The following RERE variants were observed in gnomAD, a reference collection of about 807,000 sequenced individuals.
RERE encodes the protein arginine-glutamic acid dipeptide repeats protein.
A neutral mutation model predicts 146.1 loss-of-function variants in RERE; 40 were observed. That is an observed-to-expected ratio of 0.27 (90% CI 0.21 to 0.36). RERE has a LOEUF of 0.36. RERE is among the 10% of genes least tolerant of loss of function. The pLI, the probability that RERE is intolerant of heterozygous loss-of-function variation, is 1.00. For synonymous variants in RERE, 1,003 were observed against 866.0 expected, an observed-to-expected ratio of 1.16 and a Z score of -2.78; for missense variants, 1,933 against 2,138.7, an observed-to-expected ratio of 0.90 and a Z score of 1.90.
chr1:8,372,076 C>T (rs894875), intron 12 of RERE, among the ~76,000 whole-genome samples: 111,467 of 152,136 alleles, frequency 0.73, 41,363 homozygotes, highest in East Asian at 0.92. Context: ...TGTGATAAGC[C>T]ACATGTCTTC....
chr1:8,732,574 C>A (rs966354467), intron 1 of RERE, among the ~76,000 whole-genome samples: 1 of 151,898 alleles, frequency 6.6e-6, no homozygotes, highest in African/African-American at 2.4e-5. Context: ...GATACTGTAA[C>A]TGTGGATAAG....
At chr1:8,405,265 A>G (rs939591089) in intron 12 of RERE, among the ~76,000 whole-genome samples, 1 of 152,324 alleles carries the variant, frequency 6.6e-6, no homozygotes, top group Admixed American at 6.5e-5. Context: ...ATTTCTAGGA[A>G]TGAATCTTAA....
intron 8 of RERE, among the ~76,000 whole-genome samples, chr1:8,505,682 C>A (rs1645240756): frequency 6.6e-6 from 1 of 152,158 alleles, no homozygotes; most frequent in African/African-American, 2.4e-5. Flanking sequence ...AGACATGCAT[C>A]ACCATGCCTA....
intron 13 of RERE, 36 bp downstream of exon 13, chr1:8,365,776 C>T (rs754686231): frequency 6.2e-7 from 1 of 1,608,776 alleles, no homozygotes; most frequent in African/African-American, 1.3e-5. Context: ...GAACAGTCTC[C>T]CCTCCGCCCA....
chr1:8,552,499 T>A (rs559739363), intron 6 of RERE, among the ~76,000 whole-genome samples: 8 of 152,310 alleles, frequency 5.3e-5, no homozygotes, highest in Middle Eastern at 3.4e-3. Flanking sequence ...TTTATTTGTA[T>A]CTCTCTCAAA....
At chr1:8,583,668 C>CA (rs1175652682) in intron 4 of RERE, among the ~76,000 whole-genome samples, 3 of 150,520 alleles carry the variant, frequency 2.0e-5, no homozygotes, top group East Asian at 1.9e-4. Context: ...ATAAATTCTG[C>CA]AAAAAATACA....
chr1:8,389,690 G>C (rs576910790), intron 12 of RERE, among the ~76,000 whole-genome samples: 1 of 152,324 alleles, frequency 6.6e-6, no homozygotes, highest in East Asian at 1.9e-4. Flanking sequence ...AAGTCGGGGA[G>C]CCACCACGGA....
Position 8,557,517 on chromosome 1 carries a change from T to C in RERE, c.529A>G (p.Arg177Gly). The C allele has an allele frequency of 6.2e-7, 1 of 1,607,170 alleles. No homozygotes were observed. The highest frequency in any genetic ancestry group is 8.5e-7 in the Non-Finnish European group (1 of 1,173,680). Residue 177 changes from arginine to glycine, a missense_variant, in exon 5 of 23, where the codon AGG becomes GGG. This residue lies in a region of RERE where 74 missense variants were observed against 99.6 expected (regional missense o/e 0.74). Coordinates refer to ENST00000400908, the MANE Select transcript of RERE (RefSeq NM_001042681.2). Reference protein sequence around the residue: ...EAGRGPVGSKRDHLLMNVKWY... With the variant: ...EAGRGPVGSKGDHLLMNVKWY... Reference sequence around the variant, plus strand: ...TTGACGTTCATGAGGAGATGGTCCCTCTTACTCTGAAAAGGAAAATCTAAC... The same window carrying C: ...TTGACGTTCATGAGGAGATGGTCCCCCTTACTCTGAAAAGGAAAATCTAAC...
At chr1:8,471,517 CT>C (rs35144697) in intron 10 of RERE, among the ~76,000 whole-genome samples, 206 of 132,294 alleles carry the variant, frequency 1.6e-3, no homozygotes, top group Middle Eastern at 4.0e-3. Context: ...CCCGGGGTTG[CT>C]TTTTTTTTTT....
intron 1 of RERE, among the ~76,000 whole-genome samples, chr1:8,731,328 G>A (rs535842352): frequency 6.6e-6 from 1 of 152,218 alleles, no homozygotes; most frequent in Admixed American, 6.5e-5. Flanking sequence ...TAACCATTTT[G>A]CAATTGCTCA....
At chr1:8,553,218 A>C (rs1645959563) in intron 6 of RERE, among the ~76,000 whole-genome samples, 1 of 150,304 alleles carries the variant, frequency 6.7e-6, no homozygotes, top group Non-Finnish European at 1.5e-5. Context: ...GCAAAATTGC[A>C]CCATTAGGCC....
intron 3 of RERE, among the ~76,000 whole-genome samples, chr1:8,623,405 T>C (rs894716362): frequency 2.6e-5 from 4 of 152,178 alleles, no homozygotes; most frequent in Admixed American, 6.5e-5. Context: ...GAGCCAAGAC[T>C]GCACCACTGC....
intron 12 of RERE, among the ~76,000 whole-genome samples, chr1:8,375,821 C>T (rs991711585): frequency 6.6e-6 from 1 of 151,158 alleles, no homozygotes; most frequent in Admixed American, 6.5e-5. Context: ...ACTGAAAATG[C>T]ATCCTCACTC....
At chr1:8,617,150 C>T (rs1055841999) in intron 3 of RERE, among the ~76,000 whole-genome samples, 3 of 151,948 alleles carry the variant, frequency 2.0e-5, no homozygotes, top group African/African-American at 7.3e-5. Context: ...CAAGACCAGC[C>T]TGGCCAATGT....
chr1:8,729,035 C>T (rs1255225392), intron 1 of RERE, among the ~76,000 whole-genome samples: 2 of 151,866 alleles, frequency 1.3e-5, no homozygotes, highest in East Asian at 4.0e-4. Flanking sequence ...CATGGTGGCG[C>T]AAGCCTGTAA....
chr1:8,706,324 G>A (rs1639561580), intron 1 of RERE, among the ~76,000 whole-genome samples: 2 of 151,970 alleles, frequency 1.3e-5, no homozygotes, highest in Admixed American at 1.3e-4. Flanking sequence ...TAAAAAGGAG[G>A]ATTTTTATCC....
At chr1:8,422,836 A>G (rs994542998) in intron 11 of RERE, 29 bp from the exon 12 acceptor site, 22 of 1,507,154 alleles carry the variant, frequency 1.5e-5, no homozygotes, top group Non-Finnish European at 2.0e-5. Context: ...AATGGGATGT[A>G]AAAACCAAAA....
At chr1:8,694,671 A>G (rs1396007849) in intron 1 of RERE, among the ~76,000 whole-genome samples, 1 of 152,076 alleles carries the variant, frequency 6.6e-6, no homozygotes, top group Non-Finnish European at 1.5e-5. Context: ...AGGCAGGAGA[A>G]TCATTTAAAC....
intron 2 of RERE, among the ~76,000 whole-genome samples, chr1:8,649,528 G>A (rs940917779): frequency 3.9e-5 from 6 of 152,056 alleles, no homozygotes; most frequent in East Asian, 1.9e-4. Flanking sequence ...TCAGGAGTTC[G>A]AGACCAGCCT....
Sources: gnomAD v4.1 joint callset for allele counts (sites outside exome capture counted in the v4.1 genomes callset) on GRCh38, gnomAD v4.1.1 for gene constraint, gnomAD v4.1.1 regional missense constraint, MANE v1.5 for transcripts, NCBI Gene and HGNC (gene_info 2026-07-23, HGNC 2026-07-21) for gene names.